The following SLC1A1 variants were observed in gnomAD, a reference collection of about 807,000 sequenced individuals.
SLC1A1 encodes the protein solute carrier family 1 member 1.
Under a neutral mutation model 53.3 loss-of-function variants are expected in SLC1A1, and 43 were observed. The ratio of observed to expected loss-of-function variants is 0.81; its 90% CI spans 0.63 to 1.04. SLC1A1 has a LOEUF of 1.04. Among genes scored for constraint, SLC1A1 ranks in the 50% least tolerant of loss-of-function variants. The pLI is 0.00. For missense variants in SLC1A1, 748 were observed against 664.9 expected (o/e 1.12, Z -1.37); for synonymous variants, 307 against 243.2 (o/e 1.26, Z -2.44).
At chr9:4,522,722 C>T (rs1315690310) in intron 1 of SLC1A1, among the ~76,000 whole-genome samples, 5 of 152,104 alleles carry the variant, frequency 3.3e-5, no homozygotes, top group Non-Finnish European at 7.4e-5. Flanking sequence ...AGAGTGTGAG[C>T]GTGTGAAGGA....
chr9:4,519,651 C>T (rs1454125277), intron 1 of SLC1A1, among the ~76,000 whole-genome samples: 1 of 152,176 alleles, frequency 6.6e-6, no homozygotes, highest in East Asian at 1.9e-4. Flanking sequence ...ACTTAATGCT[C>T]AGGACAGCCA....
At chr9:4,582,949 C>T (rs570870734) in intron 10 of SLC1A1, 89 bp from the exon 11 acceptor site, 14 of 1,522,926 alleles carry the variant, frequency 9.2e-6, no homozygotes, top group Non-Finnish European at 1.1e-5. Context: ...TAATAGCCAT[C>T]GGGACTAAGC....
intron 1 of SLC1A1, among the ~76,000 whole-genome samples, chr9:4,521,770 G>A (rs1816080272): frequency 6.6e-6 from 1 of 152,194 alleles, no homozygotes; most frequent in African/African-American, 2.4e-5. Context: ...GAAGAGGGAA[G>A]GGGCAAGTGC....
At chr9:4,582,946 C>A in intron 10 of SLC1A1, 92 bp from the exon 11 acceptor site, 1 of 1,496,888 alleles carries the variant, frequency 6.7e-7, no homozygotes, top group Non-Finnish European at 9.3e-7. Flanking sequence ...CAGTAATAGC[C>A]ATCGGGACTA....
At chr9:4,570,098 C>A (rs1323123578) in intron 6 of SLC1A1, among the ~76,000 whole-genome samples, 2 of 152,174 alleles carry the variant, frequency 1.3e-5, no homozygotes, top group Non-Finnish European at 2.9e-5. Flanking sequence ...TGCTTTTTCT[C>A]CTGGCTGCTG....
chr9:4,535,448 C>A (rs565258772), intron 1 of SLC1A1, among the ~76,000 whole-genome samples: 1 of 152,198 alleles, frequency 6.6e-6, no homozygotes, highest in East Asian at 1.9e-4. Flanking sequence ...TGAGTGAACT[C>A]CCATTCACAA....
intron 2 of SLC1A1, among the ~76,000 whole-genome samples, chr9:4,558,856 C>T (rs1256841562): frequency 6.6e-6 from 1 of 152,106 alleles, no homozygotes; most frequent in African/African-American, 2.4e-5. Context: ...AAATAGATCC[C>T]ATATTAGGGC....
At chr9:4,544,923 G>A (rs549382782) in intron 2 of SLC1A1, among the ~76,000 whole-genome samples, 5 of 152,166 alleles carry the variant, frequency 3.3e-5, no homozygotes, top group East Asian at 1.9e-4. Flanking sequence ...AAGGCTGGGC[G>A]AAGCAGGAAG....
intron 1 of SLC1A1, among the ~76,000 whole-genome samples, chr9:4,500,150 A>G (rs1424268825): frequency 6.6e-6 from 1 of 152,172 alleles, no homozygotes; most frequent in Non-Finnish European, 1.5e-5. Context: ...GAGGTATTGC[A>G]AATTTCCCGT....
chr9:4,497,915 A>T (rs1391229506), intron 1 of SLC1A1, among the ~76,000 whole-genome samples: 1 of 152,244 alleles, frequency 6.6e-6, no homozygotes, highest in Non-Finnish European at 1.5e-5. Flanking sequence ...GATTCTATTC[A>T]TGCATCTATT....
chr9:4,543,824 A>G (rs1463880294), intron 1 of SLC1A1, among the ~76,000 whole-genome samples: 1 of 152,202 alleles, frequency 6.6e-6, no homozygotes, highest in Non-Finnish European at 1.5e-5. Context: ...ATACAAATAT[A>G]CCATAAAAAG....
intron 2 of SLC1A1, 30 bp downstream of exon 2, chr9:4,544,737 T>G (rs1322560254): frequency 1.9e-6 from 3 of 1,574,270 alleles, no homozygotes; most frequent in African/African-American, 1.3e-5. Context: ...GTTCTCTATA[T>G]TAGTCCATTT....
In SLC1A1 at chr9:4,549,051, T is replaced by C. The variant is rs1395802198; in HGVS notation, c.232+4344T>C. Among the ~76,000 whole-genome samples the C allele has an allele frequency of 6.6e-6, 1 of 152,094 alleles. No individual in the cohort carries two copies. Among genetic ancestry groups the C allele is most frequent in the African/African-American group, 2.4e-5 (1 of 41,394 alleles). On this transcript the variant is annotated intron_variant, in intron 2 of 11. Coordinates refer to ENST00000262352, the MANE Select transcript of SLC1A1 (RefSeq NM_004170.6). The surrounding 1 kb of genome is among the most constrained non-coding windows in gnomAD (Gnocchi z 4.1). ...GAAAAATCCTGGTCCAGCCAGTGAG[T>C]TTAAATTCAGGTCACATTTTCTTTA...
intron 1 of SLC1A1, among the ~76,000 whole-genome samples, chr9:4,492,394 A>C (rs1286432160): frequency 6.6e-6 from 1 of 151,156 alleles, no homozygotes; most frequent in East Asian, 1.9e-4. Flanking sequence ...AGGCAGGAGA[A>C]TTGCTTGAAC....
chr9:4,524,456 A>T (rs1374126069), intron 1 of SLC1A1, among the ~76,000 whole-genome samples: 1 of 152,236 alleles, frequency 6.6e-6, no homozygotes, highest in Non-Finnish European at 1.5e-5. Flanking sequence ...TGCCAGAAAT[A>T]AAAAGGGAAC....
At chr9:4,505,800 G>T (rs974857957) in intron 1 of SLC1A1, among the ~76,000 whole-genome samples, 1 of 152,126 alleles carries the variant, frequency 6.6e-6, no homozygotes, top group Admixed American at 6.5e-5. Context: ...GGGATTATAG[G>T]CATGTGCCAC....
At chr9:4,572,111 T>C (rs996354785) in intron 6 of SLC1A1, 93 bp from the exon 7 acceptor site, 38 of 1,054,572 alleles carry the variant, frequency 3.6e-5, no homozygotes, top group Middle Eastern at 2.6e-4. Context: ...CAGTTTATTA[T>C]GTTTGGTCAT....
chr9:4,532,731 C>G (rs970540871), intron 1 of SLC1A1, among the ~76,000 whole-genome samples: 7 of 152,026 alleles, frequency 4.6e-5, no homozygotes, highest in Non-Finnish European at 1.0e-4. Flanking sequence ...AGATACTCCT[C>G]GAGAAGAGCA....
intron 1 of SLC1A1, among the ~76,000 whole-genome samples, chr9:4,503,628 T>C (rs746206722): frequency 2.8e-4 from 42 of 151,858 alleles, no homozygotes; most frequent in Non-Finnish European, 5.6e-4. Flanking sequence ...AAGGTGATGA[T>C]ACACATAAGG....
Sources: allele counts gnomAD v4.1 joint callset (sites outside exome capture counted in the v4.1 genomes callset), GRCh38; gene constraint gnomAD v4.1.1; non-coding constraint Gnocchi (gnomAD v3.1); transcripts MANE v1.5; gene names NCBI Gene and HGNC (gene_info 2026-07-23, HGNC 2026-07-21).